The following RIC8B variants were observed in gnomAD, a reference collection of about 807,000 sequenced individuals.
RIC8B encodes the protein RIC8 guanine nucleotide exchange factor B, also known as chaperone Ric-8B.
RIC8B carries 16 observed loss-of-function variants against 57.5 expected under a neutral mutation model. The ratio of observed to expected loss-of-function variants is 0.28; its 90% CI spans 0.19 to 0.42. The LOEUF (loss-of-function observed/expected upper bound fraction) is 0.42. Ranked by LOEUF, RIC8B falls within the 10% of genes least tolerant of loss-of-function variation. RIC8B has a pLI of 1.00. For synonymous variants in RIC8B, 216 were observed against 250.8 expected, an observed-to-expected ratio of 0.86 and a Z score of 1.31; for missense variants, 481 against 677.0, an observed-to-expected ratio of 0.71 and a Z score of 3.21.
intron 4 of RIC8B, among the ~76,000 whole-genome samples, chr12:106,833,957 G>A (rs1258175522): frequency 2.0e-5 from 3 of 152,146 alleles, no homozygotes; most frequent in Non-Finnish European, 4.4e-5. Flanking sequence ...TGCCGCTCTT[G>A]CTGTGTGATA....
chr12:106,872,116 GCTAA>G lies in RIC8B; in HGVS notation c.1571+1177_1571+1180del, dbSNP rs1391751496. ...TCCTTTCTCAAGGTTAGAATTTACA[GCTAA>G]CTGACTATATTCACAATCTTCAAAA... On this transcript the variant is annotated intron_variant, in intron 9 of 9. Coordinates refer to ENST00000392837, the MANE Select transcript of RIC8B (RefSeq NM_001330145.2). Among the ~76,000 whole-genome samples, 18 of 152,186 alleles carry G rather than the reference GCTAA, an allele frequency of 1.2e-4. 1 individual carries two copies. Among genetic ancestry groups the G allele is most frequent in the Non-Finnish European group, 2.4e-4 (16 of 68,028 alleles).
At chr12:106,838,659 C>G (rs1024629436) in intron 4 of RIC8B, among the ~76,000 whole-genome samples, 1 of 151,128 alleles carries the variant, frequency 6.6e-6, no homozygotes, top group Non-Finnish European at 1.5e-5. Context: ...GCACAGGCAA[C>G]AAAAGCAAAT....
At chr12:106,865,010 CAT>C (rs900991889) in intron 8 of RIC8B, among the ~76,000 whole-genome samples, 11 of 152,202 alleles carry the variant, frequency 7.2e-5, no homozygotes, top group African/African-American at 2.6e-4. Context: ...AATAATATTC[CAT>C]GTGTGTATAT....
intron 6 of RIC8B, 66 bp downstream of exon 6, chr12:106,844,013 A>C (rs1395013812): frequency 9.2e-7 from 1 of 1,083,958 alleles, no homozygotes; most frequent in Non-Finnish European, 1.4e-6. Flanking sequence ...ACATAGAATT[A>C]ATTGAATTTT....
intron 3 of RIC8B, chr12:106,823,516 C>A: frequency 2.2e-6 from 1 of 450,534 alleles, no homozygotes; most frequent in Non-Finnish European, 4.5e-6. Flanking sequence ...TTCCAAAAGT[C>A]TGTCAACATC....
At chr12:106,824,761 G>A (rs1593218614) in intron 3 of RIC8B, among the ~76,000 whole-genome samples, 1 of 152,012 alleles carries the variant, frequency 6.6e-6, no homozygotes, top group Non-Finnish European at 1.5e-5. Context: ...AAAAAAATTA[G>A]CTGGGTGTGG....
In RIC8B at chr12:106,886,057, C is replaced by T; in HGVS notation, c.*42C>T. ...ACTCTCAATATTGCTTTATCAGCAT[C>T]TTTTCTCTGTAGCTCCAGGGGAATC... On this transcript the variant is annotated 3_prime_UTR_variant, in exon 10 of 10. Coordinates refer to ENST00000392837, the MANE Select transcript of RIC8B (RefSeq NM_001330145.2). 7.4e-7 allele frequency: 1 copy of T among 1,349,020 alleles called. No homozygotes were observed. The highest frequency in any genetic ancestry group is 1.1e-6 in the Non-Finnish European group (1 of 941,326). The allele number at this position is 1,349,020 out of a possible 1,614,324, so 83.6% of individuals were successfully genotyped here.
chr12:106,810,961 A>C (rs1157816696), intron 2 of RIC8B, among the ~76,000 whole-genome samples: 1 of 152,206 alleles, frequency 6.6e-6, no homozygotes, highest in Non-Finnish European at 1.5e-5. Context: ...CAAGATTTGC[A>C]TACAAACAAT....
chr12:106,823,677 T>A (rs915078368), intron 3 of RIC8B, among the ~76,000 whole-genome samples: 4 of 151,982 alleles, frequency 2.6e-5, no homozygotes, highest in Admixed American at 2.0e-4. Flanking sequence ...ATTTAACATA[T>A]GAGATAATTT....
chr12:106,823,185 CAA>C (rs1187239655), intron 3 of RIC8B: 9 of 243,280 alleles, frequency 3.7e-5, no homozygotes, highest in Non-Finnish European at 6.7e-5. Flanking sequence ...GTGGAGGAAA[CAA>C]AGTGTATGCA....
chr12:106,859,797 CT>C (rs1949854240), intron 7 of RIC8B, among the ~76,000 whole-genome samples: 1 of 152,076 alleles, frequency 6.6e-6, no homozygotes, highest in Non-Finnish European at 1.5e-5. Context: ...AATATTCTTC[CT>C]TAAGTTTTCT....
At chr12:106,816,833 G>C (rs1241385983) in intron 3 of RIC8B, among the ~76,000 whole-genome samples, 1 of 152,160 alleles carries the variant, frequency 6.6e-6, no homozygotes, top group South Asian at 2.1e-4. Flanking sequence ...GGAGCTAGAA[G>C]AAGCTTTAGA....
chr12:106,804,874 G>T (rs890909158), intron 2 of RIC8B, among the ~76,000 whole-genome samples: 5 of 152,258 alleles, frequency 3.3e-5, no homozygotes, highest in South Asian at 4.1e-4. Context: ...CCTGCTGGGG[G>T]ATGGTGAAAA....
intron 7 of RIC8B, among the ~76,000 whole-genome samples, 154 bp from the exon 8 acceptor site, chr12:106,860,114 A>T (rs1949866225): frequency 6.6e-6 from 1 of 152,192 alleles, no homozygotes; most frequent in South Asian, 2.1e-4. Flanking sequence ...ATTTGTAAGT[A>T]GTTCAGTATA....
chr12:106,849,261 T>A (rs1294549544), intron 6 of RIC8B, among the ~76,000 whole-genome samples: 4 of 151,290 alleles, frequency 2.6e-5, no homozygotes, highest in African/African-American at 9.7e-5. Context: ...CCACAACAAT[T>A]AAAAAAATTT....
chr12:106,810,290 TAA>T (rs60993772), intron 2 of RIC8B, among the ~76,000 whole-genome samples: 9 of 122,580 alleles, frequency 7.3e-5, no homozygotes, highest in Admixed American at 1.6e-4. Flanking sequence ...ATACAGCTGG[TAA>T]AAAAAAAAAA....
chr12:106,823,509 CAA>C, intron 3 of RIC8B: 1 of 452,344 alleles, frequency 2.2e-6, no homozygotes, highest in South Asian at 1.6e-5. Context: ...GATAGATTTC[CAA>C]AAGTCTGTCA....
chr12:106,831,769 G>A (rs947726452), intron 4 of RIC8B, among the ~76,000 whole-genome samples: 3 of 152,178 alleles, frequency 2.0e-5, no homozygotes, highest in Non-Finnish European at 2.9e-5. Context: ...CTGAATGAGG[G>A]AAACCATCTC....
At chr12:106,884,761 C>A (rs1951098421) in intron 9 of RIC8B, among the ~76,000 whole-genome samples, 1 of 152,160 alleles carries the variant, frequency 6.6e-6, no homozygotes. Flanking sequence ...TCACTCCTCC[C>A]CAGGAGATTT....
Sources: allele counts gnomAD v4.1 joint callset (sites outside exome capture counted in the v4.1 genomes callset), GRCh38; gene constraint gnomAD v4.1.1; transcripts MANE v1.5; gene names NCBI Gene and HGNC (gene_info 2026-07-23, HGNC 2026-07-21).